PRKN: variants seen among roughly 807,000 people sequenced by gnomAD.
The protein encoded by PRKN is parkin RBR E3 ubiquitin protein ligase, also known as E3 ubiquitin-protein ligase parkin.
PRKN carries 56 observed loss-of-function variants against 59.5 expected under a neutral mutation model. That is an observed-to-expected ratio of 0.94 (90% confidence interval 0.76 to 1.18). The LOEUF (loss-of-function observed/expected upper bound fraction) is 1.18, where lower values mean the gene tolerates loss of function less well. Ranked by LOEUF, PRKN falls within the 50% of genes most tolerant of loss-of-function variation. PRKN has a pLI of 0.00. For synonymous variants in PRKN, 250 were observed against 222.1 expected, an observed-to-expected ratio of 1.13 and a Z score of -1.12; for missense variants, 657 against 596.4, an observed-to-expected ratio of 1.10 and a Z score of -1.06.
chr6:161,557,531 C>T (rs1780282332), intron 8 of PRKN, among the ~76,000 whole-genome samples: 1 of 152,082 alleles, frequency 6.6e-6, no homozygotes, highest in Admixed American at 6.6e-5. Context: ...GGGTAGTCAC[C>T]TGAGAAGTGT....
chr6:161,466,769 T>C lies in PRKN; in HGVS notation c.1084-79892A>G, dbSNP rs1790497871. ...CTTTCTGACAAGTGATTGATAGATT[T>C]ATTTCAAAGCTGTCAAGTAGAGCCC... is the stretch of plus-strand genomic sequence containing the variant. On this transcript the variant is annotated intron_variant, in intron 9 of 11. Coordinates refer to ENST00000366898, the MANE Select transcript of PRKN (RefSeq NM_004562.3). The surrounding 1 kb of genome is among the most constrained non-coding windows in gnomAD (Gnocchi z 5.0). 1.3e-5 allele frequency among the ~76,000 whole-genome samples: 2 copies of C among 152,198 alleles called. No individual in the cohort carries two copies. Among genetic ancestry groups the C allele is most frequent in the Non-Finnish European group, 2.9e-5 (2 of 68,034 alleles).
intron 7 of PRKN, among the ~76,000 whole-genome samples, chr6:161,648,892 C>T (rs553459640): frequency 3.3e-5 from 5 of 152,156 alleles, no homozygotes; most frequent in South Asian, 4.1e-4. Context: ...TCAAGGGCAA[C>T]GTCTCTTAGG....
At chr6:161,777,902 A>ATATACT (rs1394595571) in intron 7 of PRKN, among the ~76,000 whole-genome samples, 2 of 122,600 alleles carry the variant, frequency 1.6e-5, no homozygotes, top group African/African-American at 6.0e-5. Flanking sequence ...ATGTATACAT[A>ATATACT]TATATGTGTA....
intron 1 of PRKN, among the ~76,000 whole-genome samples, chr6:162,691,579 T>A (rs371929801): frequency 1.3e-5 from 2 of 152,202 alleles, no homozygotes; most frequent in South Asian, 2.1e-4. Context: ...GAAGTTTGAA[T>A]AACCCTTAAA....
chr6:162,246,679 G>C (rs1392261124), intron 3 of PRKN, among the ~76,000 whole-genome samples: 2 of 152,078 alleles, frequency 1.3e-5, no homozygotes, highest in African/African-American at 4.8e-5. Flanking sequence ...ATGTGATAAG[G>C]TTTCTATTTT....
At chr6:162,183,401 G>T (rs1168399656) in intron 4 of PRKN, among the ~76,000 whole-genome samples, 1 of 152,106 alleles carries the variant, frequency 6.6e-6, no homozygotes, top group African/African-American at 2.4e-5. Context: ...TCATCTTCTG[G>T]TGGGTCTCCT....
intron 5 of PRKN, among the ~76,000 whole-genome samples, chr6:162,033,573 C>T (rs867338416): frequency 3.9e-5 from 6 of 152,052 alleles, no homozygotes; most frequent in Admixed American, 1.3e-4. Context: ...AATATCATTT[C>T]GTAGGGGAAT....
chr6:162,463,054 G>T (rs1791244605), intron 1 of PRKN, among the ~76,000 whole-genome samples: 2 of 151,682 alleles, frequency 1.3e-5, no homozygotes, highest in South Asian at 4.1e-4. Flanking sequence ...GGGTGACGGA[G>T]TGAGACTCCG....
chr6:162,603,244 C>G (rs1354114335), intron 1 of PRKN, among the ~76,000 whole-genome samples: 1 of 152,138 alleles, frequency 6.6e-6, no homozygotes, highest in Non-Finnish European at 1.5e-5. Context: ...AAACAACAGT[C>G]TGCGAATTCC....
chr6:161,964,382 T>G (rs1780498196), intron 6 of PRKN, among the ~76,000 whole-genome samples: 1 of 151,982 alleles, frequency 6.6e-6, no homozygotes, highest in South Asian at 2.1e-4. Flanking sequence ...CTGGAAGGGT[T>G]TATAGCAGCT....
chr6:162,441,986 A>C (rs746102643), intron 2 of PRKN, among the ~76,000 whole-genome samples: 19 of 150,448 alleles, frequency 1.3e-4, no homozygotes, highest in Non-Finnish European at 2.8e-4. Context: ...ATACAGTGAA[A>C]ATCTTTTTAG....
intron 1 of PRKN, among the ~76,000 whole-genome samples, chr6:162,510,425 C>T (rs935531753): frequency 6.6e-6 from 1 of 152,098 alleles, no homozygotes; most frequent in Admixed American, 6.6e-5. Flanking sequence ...TAAGTCTGGC[C>T]ACGATCAAAT....
At chr6:162,615,329 A>G (rs992742276) in intron 1 of PRKN, among the ~76,000 whole-genome samples, 1 of 152,196 alleles carries the variant, frequency 6.6e-6, no homozygotes, top group East Asian at 1.9e-4. Flanking sequence ...AATATTATAA[A>G]TGTTATACTG....
At chr6:161,537,961 T>C (rs1227642911) in intron 9 of PRKN, among the ~76,000 whole-genome samples, 1 of 152,170 alleles carries the variant, frequency 6.6e-6, no homozygotes, top group Non-Finnish European at 1.5e-5. Context: ...TGGCATCAAA[T>C]TCCCAGACTG....
chr6:161,801,810 C>A (rs1055018153), intron 6 of PRKN, among the ~76,000 whole-genome samples: 5 of 152,110 alleles, frequency 3.3e-5, no homozygotes, highest in South Asian at 4.1e-4. Flanking sequence ...GGACTGGGCA[C>A]CCCAGGTTTC....
At chr6:162,276,634 A>G (rs1190113745) in intron 2 of PRKN, among the ~76,000 whole-genome samples, 1 of 152,108 alleles carries the variant, frequency 6.6e-6, no homozygotes, top group Non-Finnish European at 1.5e-5. Flanking sequence ...TCTGTTTAAT[A>G]TATTCACTAT....
intron 4 of PRKN, among the ~76,000 whole-genome samples, chr6:162,055,567 T>C (rs1317249554): frequency 6.6e-6 from 1 of 151,862 alleles, no homozygotes; most frequent in Non-Finnish European, 1.5e-5. Flanking sequence ...AGGTGGGTTG[T>C]CTCCCCAGCT....
chr6:162,234,269 G>A (rs905320385), intron 3 of PRKN, among the ~76,000 whole-genome samples: 1 of 152,192 alleles, frequency 6.6e-6, no homozygotes, highest in Admixed American at 6.5e-5. Flanking sequence ...GGGCAGAGGT[G>A]GGGAGACAGA....
intron 7 of PRKN, among the ~76,000 whole-genome samples, chr6:161,653,871 C>G (rs1354539532): frequency 6.6e-6 from 1 of 152,214 alleles, no homozygotes; most frequent in Non-Finnish European, 1.5e-5. Flanking sequence ...TGCTTGTAAA[C>G]TGGCCGGCCA....
Sources: gnomAD v4.1 joint callset for allele counts (sites outside exome capture counted in the v4.1 genomes callset) on GRCh38, gnomAD v4.1.1 for gene constraint, Gnocchi (gnomAD v3.1) non-coding constraint, MANE v1.5 for transcripts, NCBI Gene and HGNC (gene_info 2026-07-23, HGNC 2026-07-21) for gene names.